Variants in CNTN3 observed in about 807,000 individuals in gnomAD.
CNTN3 encodes the protein contactin 3, also known as contactin-3.
Under a neutral mutation model 119.1 loss-of-function variants are expected in CNTN3, and 60 were observed. That is an observed-to-expected ratio of 0.50 (90% CI 0.41 to 0.62). The LOEUF is 0.62. CNTN3 is among the 20% of genes least tolerant of loss of function. CNTN3 has a pLI of 0.00. For synonymous variants in CNTN3, 450 were observed against 438.7 expected (o/e 1.03, Z -0.32); for missense variants, 1,101 against 1,242.4 (o/e 0.89, Z 1.71).
At chr3:74,526,227 A>AG (rs75595763) in intron 1 of CNTN3, among the ~76,000 whole-genome samples, 2 of 151,292 alleles carry the variant, frequency 1.3e-5, no homozygotes, top group Non-Finnish European at 3.0e-5. Context: ...CCAAAAAAAA[A>AG]CTTGAGCAGC....
intron 9 of CNTN3, 56 bp downstream of exon 9, chr3:74,365,510 A>T: frequency 6.2e-7 from 1 of 1,606,946 alleles, no homozygotes; most frequent in African/African-American, 1.3e-5. Context: ...ACACCAAGTG[A>T]GGAAAGGGTG....
At chr3:74,324,430 G>A (rs748724947) in intron 13 of CNTN3, among the ~76,000 whole-genome samples, 5 of 152,022 alleles carry the variant, frequency 3.3e-5, no homozygotes, top group Admixed American at 2.0e-4. Context: ...AGGCTGGTTG[G>A]CCTCAGCCTC....
intron 22 of CNTN3, among the ~76,000 whole-genome samples, 169 bp downstream of exon 22, chr3:74,266,312 C>T (rs182117662): frequency 6.6e-6 from 1 of 152,126 alleles, no homozygotes; most frequent in East Asian, 1.9e-4. Flanking sequence ...TATTTTGCAC[C>T]ACTCTTGAGG....
intron 4 of CNTN3, among the ~76,000 whole-genome samples, chr3:74,443,041 T>C (rs752756312): frequency 7.2e-5 from 11 of 152,212 alleles, no homozygotes; most frequent in Non-Finnish European, 1.3e-4. Flanking sequence ...ATTCTATACT[T>C]ATTTGCATTC....
rs150728650 is a variant in CNTN3 at position 74,341,293 on chromosome 3, A to T, written c.1365-4635T>A. On this transcript the variant is annotated intron_variant, in intron 11 of 22. Transcript: ENST00000263665. ...TTCAATAACCCACGCTTCCCTACAG[A>T]GATTCAAAGTGAAAATTTTATACCA... 2.3e-3 allele frequency among the ~76,000 whole-genome samples: 344 copies of T among 152,302 alleles called. 6 individuals carry two copies. In the East Asian group the frequency reaches 0.026, roughly 12 times the overall value.
chr3:74,353,600 C>CA, intron 11 of CNTN3, among the ~76,000 whole-genome samples: 1 of 151,924 alleles, frequency 6.6e-6, no homozygotes, highest in Non-Finnish European at 1.5e-5. Flanking sequence ...ACTAAAAATA[C>CA]AAAAAATTAG....
intron 11 of CNTN3, among the ~76,000 whole-genome samples, chr3:74,358,125 G>A (rs1559561963): frequency 2.0e-5 from 3 of 152,124 alleles, no homozygotes; most frequent in African/African-American, 2.4e-5. Context: ...AAGCATCAAG[G>A]CCCTGGCTCG....
chr3:74,298,601 G>GAAAAA (rs397839322), intron 17 of CNTN3, among the ~76,000 whole-genome samples: 2,471 of 141,454 alleles, frequency 0.017, 90 homozygotes, highest in African/African-American at 0.058. Flanking sequence ...AGTAAAACTG[G>GAAAAA]AAAAAAAAAA....
At chr3:74,300,035 T>C in intron 16 of CNTN3, 97 bp from the exon 17 acceptor site, 1 of 682,414 alleles carries the variant, frequency 1.5e-6, no homozygotes, top group East Asian at 3.1e-5. Context: ...TAAAATAATT[T>C]CATCATTGGC....
Position 74,326,074 on chromosome 3 carries a change from T to C in CNTN3, c.1668+8661A>G, listed in dbSNP as rs560319008. On this transcript the variant is annotated intron_variant, in intron 13 of 22. Transcript: ENST00000263665. ...TGGGAAAAATTAAAATCTTGTAATG[T>C]GTGCCTGCTTTATTTCATCTAGAAA... Among the ~76,000 whole-genome samples, 10 of 152,306 alleles carry C rather than the reference T, an allele frequency of 6.6e-5. No homozygotes were observed. The South Asian group carries it at 1.9e-3, about 28-fold the overall frequency.
intron 5 of CNTN3, among the ~76,000 whole-genome samples, chr3:74,395,039 A>G (rs903285918): frequency 1.3e-5 from 2 of 152,170 alleles, no homozygotes. Flanking sequence ...GATTTTTTTT[A>G]AATTGTAATA....
chr3:74,527,243 T>C (rs1031710795), intron 1 of CNTN3, among the ~76,000 whole-genome samples: 4 of 151,944 alleles, frequency 2.6e-5, no homozygotes, highest in African/African-American at 7.2e-5. Context: ...GAGGTTACTG[T>C]TGAAAAATTT....
intron 4 of CNTN3, among the ~76,000 whole-genome samples, chr3:74,428,988 T>C (rs1425875487): frequency 6.6e-6 from 1 of 152,222 alleles, no homozygotes. Flanking sequence ...GGCTATACTA[T>C]ACAGCCTAGG....
intron 21 of CNTN3, 135 bp downstream of exon 21, chr3:74,267,131 G>T: frequency 5.2e-6 from 3 of 580,490 alleles, no homozygotes; most frequent in South Asian, 4.7e-5. Context: ...CCATTTTATG[G>T]AAAGCTTGGT....
chr3:74,281,652 G>C (rs1234240894), intron 20 of CNTN3, among the ~76,000 whole-genome samples: 1 of 152,132 alleles, frequency 6.6e-6, no homozygotes, highest in Non-Finnish European at 1.5e-5. Flanking sequence ...CTGGCCAGAA[G>C]TGGTAAATTC....
At chr3:74,555,325 T>C (rs1704052881) in intron 1 of CNTN3, among the ~76,000 whole-genome samples, 1 of 152,196 alleles carries the variant, frequency 6.6e-6, no homozygotes, top group Admixed American at 6.5e-5. Flanking sequence ...CAGTATTTTA[T>C]TGAGGATTTT....
Position 74,334,876 on chromosome 3 carries a change from C to T in CNTN3, c.1527G>A (p.Met509Ile), listed in dbSNP as rs781121856. ...TGACGCTTTCACCAACAGAAACATC[C>T]ATGTTAGATGGTGCCAAAGTTATTC... ...PTRITLAPSNMDVSVGESVIL... is the reference protein window; with the variant it reads ...PTRITLAPSNIDVSVGESVIL... The change falls in exon 13 of 23, where the codon ATG becomes ATA. Residue 509 changes from methionine (M) to isoleucine (I), a missense_variant. Met to Ile is a conservative substitution (Grantham distance 10). Coordinates refer to ENST00000263665, the MANE Select transcript of CNTN3 (RefSeq NM_020872.3). 25 of 1,613,322 alleles carry T rather than the reference C, an allele frequency of 1.5e-5. No individual in the cohort carries two copies. Among genetic ancestry groups the T allele is most frequent in the Non-Finnish European group, 2.1e-5 (25 of 1,179,608 alleles).
chr3:74,447,676 C>T (rs1410435718), intron 4 of CNTN3, among the ~76,000 whole-genome samples: 1 of 152,052 alleles, frequency 6.6e-6, no homozygotes, highest in Non-Finnish European at 1.5e-5. Flanking sequence ...ACCACCTGTC[C>T]TATTTTCAAG....
chr3:74,273,685 G>A (rs1317241426), intron 20 of CNTN3, among the ~76,000 whole-genome samples: 1 of 152,184 alleles, frequency 6.6e-6, no homozygotes, highest in Non-Finnish European at 1.5e-5. Context: ...TCCCCAAGCA[G>A]GCCACTCCTG....
Sources: allele counts gnomAD v4.1 joint callset (sites outside exome capture counted in the v4.1 genomes callset), GRCh38; gene constraint gnomAD v4.1.1; transcripts MANE v1.5; gene names NCBI Gene and HGNC (gene_info 2026-07-23, HGNC 2026-07-21).